The following GREB1 variants were observed in gnomAD, a reference collection of about 807,000 sequenced individuals.
The protein encoded by GREB1 is protein GREB1.
A neutral mutation model predicts 200.7 loss-of-function variants in GREB1; 106 were observed. The ratio of observed to expected loss-of-function variants is 0.53; its 90% confidence interval spans 0.45 to 0.62. The LOEUF is 0.62. Ranked by LOEUF, GREB1 falls within the 20% of genes least tolerant of loss-of-function variation. The probability of loss-of-function intolerance (pLI) is 0.00; values close to 1 mark genes in which losing one functional copy is unlikely to be tolerated. For synonymous variants in GREB1, 1,132 were observed against 1,092.4 expected (o/e 1.04, Z -0.72); for missense variants, 2,243 against 2,556.8 (o/e 0.88, Z 2.65).
chr2:11,485,237 A>ATTTAT (rs1175054636), intron 1 of GREB1, among the ~76,000 whole-genome samples: 60 of 148,748 alleles, frequency 4.0e-4, no homozygotes, highest in African/African-American at 8.5e-4. Context: ...TAGAAGCAAC[A>ATTTAT]TTTATTTTAT....
intron 1 of GREB1, among the ~76,000 whole-genome samples, chr2:11,512,445 A>C (rs1673377605): frequency 6.6e-6 from 1 of 152,256 alleles, no homozygotes; most frequent in African/African-American, 2.4e-5. Context: ...CTGTGTATTT[A>C]GTAATGAATG....
In GREB1 at chr2:11,548,085, G is replaced by A. The variant is rs935381970; in HGVS notation, c.-161-8369G>A. ...CCTAGCTACTCAGGAGGCTGAGGTG[G>A]GAGGATTACTTGAGCCCAGGAGTTG... On this transcript the variant is annotated intron_variant, in intron 1 of 32. Coordinates refer to ENST00000381486, the MANE Select transcript of GREB1 (RefSeq NM_014668.4). The surrounding 1 kb of genome is among the most constrained non-coding windows in gnomAD (Gnocchi z 5.1). Among the ~76,000 whole-genome samples the A allele has an allele frequency of 6.6e-6, 1 of 152,062 alleles. No homozygotes were observed. The highest frequency in any genetic ancestry group is 2.4e-5 in the African/African-American group (1 of 41,388).
Position 11,566,507 on chromosome 2 carries a change from G to A in GREB1, c.305G>A (p.Arg102His), listed in dbSNP as rs768703791. The A allele has an allele frequency of 2.5e-6, 4 of 1,612,980 alleles. No homozygotes were observed. Among genetic ancestry groups the A allele is most frequent in the South Asian group, 2.2e-5 (2 of 90,952 alleles). Residue 102 changes from arginine to histidine, a missense_variant, in exon 4 of 33, where the codon CGC (arginine) becomes CAC (histidine). Physicochemically the swap from Arg to His is conservative, Grantham distance 29. Transcript: ENST00000381486. ...TTTTGCCAGGCCGGGAAGGACCTGC[G>A]CCTTGTCTCCATTTCCAACGAGCCC... ...DGFCQAGKDL[R>H]LVSISNEPMD... is the part of the protein sequence containing the mutation.
chr2:11,571,408 C>A (rs1270099947), intron 4 of GREB1, among the ~76,000 whole-genome samples: 1 of 152,230 alleles, frequency 6.6e-6, no homozygotes. Context: ...CTGCAGCACA[C>A]TGTGCTGGAA....
At chr2:11,495,817 T>C (rs1672869559) in intron 1 of GREB1, among the ~76,000 whole-genome samples, 1 of 141,424 alleles carries the variant, frequency 7.1e-6, no homozygotes, top group South Asian at 2.3e-4. Flanking sequence ...TTTTTTTGAG[T>C]GAACGGGATT....
chr2:11,522,295 A>C (rs574957758), intron 1 of GREB1, among the ~76,000 whole-genome samples: 12 of 152,300 alleles, frequency 7.9e-5, no homozygotes, highest in Admixed American at 3.3e-4. Flanking sequence ...TTTATATCCT[A>C]CTGCTCAATG....
At chr2:11,503,633 A>G (rs1309461885) in intron 1 of GREB1, among the ~76,000 whole-genome samples, 1 of 152,172 alleles carries the variant, frequency 6.6e-6, no homozygotes, top group East Asian at 1.9e-4. Context: ...GTGGTGGCAG[A>G]TGAGTGCTTC....
chr2:11,588,252 T>C, intron 9 of GREB1: 1 of 1,004,794 alleles, frequency 1.0e-6, no homozygotes. Context: ...AATGACTCAG[T>C]CTTCTGGTCT....
At chr2:11,575,940 A>G (rs1431255178) in intron 4 of GREB1, among the ~76,000 whole-genome samples, 1 of 152,212 alleles carries the variant, frequency 6.6e-6, no homozygotes, top group Non-Finnish European at 1.5e-5. Context: ...GCCCAGGCCC[A>G]TCTCTATCAC....
At chr2:11,530,742 A>G (rs1198955435), upstream of GREB1, among the ~76,000 whole-genome samples, 1 of 152,176 alleles carries the variant, frequency 6.6e-6, no homozygotes, top group Admixed American at 6.5e-5. Context: ...CAGAACCTGC[A>G]TGTGGTGCAT....
chr2:11,638,245 A>T (rs1685541479), intron 31 of GREB1, among the ~76,000 whole-genome samples: 1 of 152,148 alleles, frequency 6.6e-6, no homozygotes, highest in Non-Finnish European at 1.5e-5. Context: ...GGTTCAAGTG[A>T]TTCTCCTGCC....
intron 7 of GREB1, chr2:11,581,300 A>AT: frequency 2.2e-6 from 1 of 446,544 alleles, no homozygotes; most frequent in Non-Finnish European, 4.0e-6. Context: ...GTTAAGAGGG[A>AT]TGAGGTGCTG....
At chr2:11,556,292 CAG>C (rs1676427090) in intron 1 of GREB1, 160 bp from the exon 2 acceptor site, 2 of 184,548 alleles carry the variant, frequency 1.1e-5, no homozygotes, top group Non-Finnish European at 2.2e-5. Flanking sequence ...TGGGAACTCT[CAG>C]GGGCAGGACC....
intron 1 of GREB1, among the ~76,000 whole-genome samples, chr2:11,537,668 ATATTT>A (rs201288960): frequency 0.039 from 5,749 of 147,458 alleles, 393 homozygotes; most frequent in African/African-American, 0.13. Flanking sequence ...AAATATAAAA[ATATTT>A]TATATATTAT....
chr2:11,593,908 G>A (rs528234640), intron 11 of GREB1, among the ~76,000 whole-genome samples: 2 of 152,190 alleles, frequency 1.3e-5, no homozygotes, highest in Admixed American at 6.5e-5. Flanking sequence ...CACCAAACAC[G>A]TGAGCTTTCC....
intron 1 of GREB1, among the ~76,000 whole-genome samples, chr2:11,539,193 C>A (rs1213776878): frequency 6.6e-6 from 1 of 151,810 alleles, no homozygotes; most frequent in African/African-American, 2.4e-5. Flanking sequence ...GCTGGGACTT[C>A]AGGTGTGCAC....
At chr2:11,601,577 G>C (rs1681785524) in intron 16 of GREB1, among the ~76,000 whole-genome samples, 1 of 152,194 alleles carries the variant, frequency 6.6e-6, no homozygotes, top group Non-Finnish European at 1.5e-5. Context: ...ATAAGTAAAC[G>C]TAAGAGATGA....
At chr2:11,568,218 G>C (rs900415016) in intron 4 of GREB1, among the ~76,000 whole-genome samples, 2 of 152,214 alleles carry the variant, frequency 1.3e-5, no homozygotes, top group African/African-American at 4.8e-5. Flanking sequence ...AAGCTGGGAG[G>C]ATAAACTCAC....
intron 4 of GREB1, among the ~76,000 whole-genome samples, chr2:11,574,381 C>A (rs528951674): frequency 2.0e-5 from 3 of 152,308 alleles, no homozygotes; most frequent in African/African-American, 7.2e-5. Flanking sequence ...GCCAGCCAGC[C>A]TTTGGGTCAC....
Sources: allele counts gnomAD v4.1 joint callset (sites outside exome capture counted in the v4.1 genomes callset), GRCh38; gene constraint gnomAD v4.1.1; non-coding constraint Gnocchi (gnomAD v3.1); transcripts MANE v1.5; gene names NCBI Gene and HGNC (gene_info 2026-07-23, HGNC 2026-07-21).